Variants in OR6N1 observed in about 807,000 individuals in gnomAD.
The protein encoded by OR6N1 is olfactory receptor 6N1.
For synonymous variants in OR6N1, 170 were observed against 150.7 expected (o/e 1.13, Z -0.94); for missense variants, 394 against 371.7 (o/e 1.06, Z -0.49).
chr1:158,807,282 AGCT>A, the OR6N1 span, among the ~76,000 whole-genome samples: 1 of 152,234 alleles, frequency 6.6e-6, no homozygotes, highest in Non-Finnish European at 1.5e-5. Flanking sequence ...ACATGAAGGC[AGCT>A]GTAACTATTT....
At chr1:158,786,203 C>A in the OR6N1 span, among the ~76,000 whole-genome samples, 6 of 151,954 alleles carry the variant, frequency 3.9e-5, no homozygotes. Context: ...AGAAAACTCT[C>A]AAAAAAGAAT....
the OR6N1 span, among the ~76,000 whole-genome samples, chr1:158,820,884 C>T: frequency 2.0e-5 from 3 of 152,132 alleles, no homozygotes; most frequent in South Asian, 2.1e-4. Flanking sequence ...AATGTTTCAA[C>T]GTATGCATAC....
At chr1:158,776,920 GAAAAGGC>G (rs746958627), upstream of OR6N1, 1 of 1,614,078 alleles carries the variant, frequency 6.2e-7, no homozygotes, top group Non-Finnish European at 8.5e-7. Context: ...GGCACAGGTA[GAAAAGGC>G]CTTCTTTCTT....
the OR6N1 span, among the ~76,000 whole-genome samples, chr1:158,778,443 G>A: frequency 1.3e-5 from 2 of 152,104 alleles, no homozygotes; most frequent in East Asian, 1.9e-4. Context: ...AAAAATAAAA[G>A]CATCGAGCAG....
chr1:158,837,978 T>A, the OR6N1 span, among the ~76,000 whole-genome samples: 1 of 151,954 alleles, frequency 6.6e-6, no homozygotes, highest in Admixed American at 6.5e-5. Flanking sequence ...ATATGCAAAA[T>A]GTTTACTCCT....
At position 158,766,503 on chromosome 1, in the gene OR6N1, G is replaced by T. The variant is rs1056480393; in HGVS notation, c.180C>A (p.Tyr60Ter). The change falls in exon 2 of 2, where the codon TAC (tyrosine) becomes TAA (stop). Residue 60 changes from tyrosine (Y) to a stop codon, truncating the protein, a stop_gained. Transcript: ENST00000641846. LOFTEE classifies it low-confidence loss of function (END_TRUNC). ...AGAAGGAGAGAATGCTGACAAAGTGGTACATGGGTGTGTGAAGCCGGGAGT... is the reference window on the plus strand; with the variant it reads ...AGAAGGAGAGAATGCTGACAAAGTGTTACATGGGTGTGTGAAGCCGGGAGT... ...CLDSRLHTPM[Y>*]HFVSILSFSE... is the part of the protein sequence containing the mutation. 3.1e-6 allele frequency: 5 copies of T among 1,614,048 alleles called. No homozygotes were observed. In the African/African-American group the frequency reaches 6.7e-5, roughly 22 times the overall value.
the OR6N1 span, among the ~76,000 whole-genome samples, chr1:158,789,827 A>C: frequency 6.6e-6 from 1 of 152,178 alleles, no homozygotes; most frequent in Admixed American, 6.5e-5. Context: ...GCTGTACAGA[A>C]GCTTTTTAGC....
the OR6N1 span, among the ~76,000 whole-genome samples, chr1:158,824,847 C>T: frequency 6.6e-6 from 1 of 152,192 alleles, no homozygotes; most frequent in South Asian, 2.1e-4. Context: ...GATGTAAAAC[C>T]TAAAACTATA....
At chr1:158,807,735 T>G in the OR6N1 span, among the ~76,000 whole-genome samples, 2 of 152,232 alleles carry the variant, frequency 1.3e-5, no homozygotes, top group Non-Finnish European at 2.9e-5. Flanking sequence ...AATCTTATCT[T>G]GACTAAATCT....
At chr1:158,789,210 G>A in the OR6N1 span, among the ~76,000 whole-genome samples, 1 of 152,090 alleles carries the variant, frequency 6.6e-6, no homozygotes, top group Non-Finnish European at 1.5e-5. Context: ...GTATCTCATT[G>A]TGTGTATATG....
chr1:158,840,386 GGA>G, the OR6N1 span, among the ~76,000 whole-genome samples: 6 of 152,122 alleles, frequency 3.9e-5, no homozygotes, highest in Non-Finnish European at 8.8e-5. Flanking sequence ...CAGGGTGGCA[GGA>G]GAGAGAATGA....
the OR6N1 span, chr1:158,777,702 A>G: frequency 0.14 from 136,977 of 992,394 alleles, 10,077 homozygotes; most frequent in South Asian, 0.22. Flanking sequence ...TCCATGCCAA[A>G]ACTTCATTTC....
the OR6N1 span, among the ~76,000 whole-genome samples, chr1:158,785,113 A>T: frequency 6.6e-6 from 1 of 152,182 alleles, no homozygotes; most frequent in Non-Finnish European, 1.5e-5. Flanking sequence ...CATATAAAAC[A>T]TATTCAGTTC....
the OR6N1 span, among the ~76,000 whole-genome samples, chr1:158,792,879 AC>A: frequency 3.9e-5 from 6 of 152,162 alleles, no homozygotes; most frequent in African/African-American, 1.4e-4. Flanking sequence ...GGTTTTCCAA[AC>A]TTTTGCTTTT....
the OR6N1 span, among the ~76,000 whole-genome samples, chr1:158,822,051 CTTAT>C: frequency 1.2e-3 from 188 of 152,254 alleles, no homozygotes; most frequent in South Asian, 3.1e-3. Flanking sequence ...TTTTCATATG[CTTAT>C]TTGTCATTTT....
chr1:158,817,804 C>T, the OR6N1 span, among the ~76,000 whole-genome samples: 1 of 152,178 alleles, frequency 6.6e-6, no homozygotes, highest in Non-Finnish European at 1.5e-5. Context: ...GAAGCAAAGG[C>T]TGGATAATGG....
chr1:158,814,204 C>T, the OR6N1 span, among the ~76,000 whole-genome samples: 1 of 152,014 alleles, frequency 6.6e-6, no homozygotes. Context: ...AGAACTTTAA[C>T]TTTGATGCCT....
rs1657229006 is a variant in OR6N1 at position 158,765,602 on chromosome 1, C to T, written c.*142G>A. The T allele has an allele frequency of 2.8e-6, 2 of 706,266 alleles. No homozygotes were observed. Among genetic ancestry groups the T allele is most frequent in the African/African-American group, 3.5e-5 (2 of 56,406 alleles). The allele number at this position is 706,266 out of a possible 1,614,324, so 43.7% of individuals were successfully genotyped here. A position where few individuals can be genotyped will look rare whatever the true frequency, so the allele number is the denominator to read the frequency against. On this transcript the variant is annotated 3_prime_UTR_variant, in exon 2 of 2. Coordinates refer to ENST00000641846, the MANE Select transcript of OR6N1 (RefSeq NM_001005185.2). ...AGACAGTATGAAGGTCGCTATAACA[C>T]TGGAAGTCAGTCAGCACTTGCTGCA...
chr1:158,777,036 A>G (rs762029103), upstream of OR6N1: 2 of 1,614,178 alleles, frequency 1.2e-6, no homozygotes, highest in Non-Finnish European at 1.7e-6. Flanking sequence ...CATTAATGGC[A>G]AAGTCCACCA....
Sources: allele counts gnomAD v4.1 joint callset (sites outside exome capture counted in the v4.1 genomes callset), GRCh38; gene constraint gnomAD v4.1.1; transcripts MANE v1.5; gene names NCBI Gene and HGNC (gene_info 2026-07-23, HGNC 2026-07-21).